Variants in NDE1 observed in about 807,000 individuals in gnomAD.
The protein encoded by NDE1 is nudE neurodevelopment protein 1, also known as nuclear distribution protein nudE homolog 1.
A neutral mutation model predicts 43.4 loss-of-function variants in NDE1; 28 were observed. The observed-to-expected ratio is 0.65, with a 90% CI of 0.48 to 0.89. The LOEUF (loss-of-function observed/expected upper bound fraction) is 0.89. NDE1 is among the 40% of genes least tolerant of loss of function. NDE1 has a pLI of 0.00. For missense variants in NDE1, 441 were observed against 434.1 expected, an observed-to-expected ratio of 1.02 and a Z score of -0.14; for synonymous variants, 184 against 172.0, an observed-to-expected ratio of 1.07 and a Z score of -0.55.
At chr16:15,644,425 G>C (rs1285716097) in intron 1 of NDE1, among the ~76,000 whole-genome samples, 1 of 152,188 alleles carries the variant, frequency 6.6e-6, no homozygotes, top group African/African-American at 2.4e-5. Context: ...TAATTTTCCA[G>C]AAGGCAGATG....
intron 8 of NDE1, among the ~76,000 whole-genome samples, chr16:15,712,289 A>T (rs11866760): frequency 0.027 from 4,134 of 152,260 alleles, 185 homozygotes; most frequent in African/African-American, 0.095. Context: ...CTGAGGAGTC[A>T]TTAGATATAC....
At chr16:15,662,551 G>A (rs974338724) in intron 1 of NDE1, among the ~76,000 whole-genome samples, 7 of 151,910 alleles carry the variant, frequency 4.6e-5, no homozygotes, top group Admixed American at 3.3e-4. Flanking sequence ...CCAAAGTGCT[G>A]GGATTACAGG....
At chr16:15,708,027 G>A (rs1273331833) in intron 8 of NDE1, among the ~76,000 whole-genome samples, 2 of 150,898 alleles carry the variant, frequency 1.3e-5, no homozygotes, top group Admixed American at 1.3e-4. Context: ...CTTGGGAAGG[G>A]CCCTGTGTGC....
intron 3 of NDE1, among the ~76,000 whole-genome samples, chr16:15,670,439 C>T (rs1312253003): frequency 6.6e-6 from 1 of 152,050 alleles, no homozygotes; most frequent in South Asian, 2.1e-4. Context: ...GGGCAGATCA[C>T]CTGAGGTTGG....
At chr16:15,663,211 A>G (rs1450602572) in intron 1 of NDE1, among the ~76,000 whole-genome samples, 1 of 149,172 alleles carries the variant, frequency 6.7e-6, no homozygotes, top group Non-Finnish European at 1.5e-5. Flanking sequence ...CCCCTGCTCA[A>G]TTACCATTGC....
intron 8 of NDE1, chr16:15,708,725 G>A: frequency 3.5e-6 from 5 of 1,447,436 alleles, no homozygotes; most frequent in Non-Finnish European, 4.8e-6. Flanking sequence ...AAAAATTGGG[G>A]TGGGCAGAGG....
intron 8 of NDE1, among the ~76,000 whole-genome samples, chr16:15,716,617 G>A (rs117434909): frequency 0.02 from 2,975 of 152,262 alleles, 53 homozygotes; most frequent in South Asian, 0.068. Flanking sequence ...CACGTGTCAC[G>A]TTGGAGTGAT....
chr16:15,667,519 C>T, intron 3 of NDE1, 80 bp downstream of exon 3: 5 of 1,547,948 alleles, frequency 3.2e-6, no homozygotes, highest in Non-Finnish European at 1.8e-6. Flanking sequence ...GAAGAAGGAA[C>T]CCTGCAATGA....
At chr16:15,716,464 C>CT (rs1567686239) in intron 8 of NDE1, among the ~76,000 whole-genome samples, 1 of 152,100 alleles carries the variant, frequency 6.6e-6, no homozygotes, top group Non-Finnish European at 1.5e-5. Flanking sequence ...ATTAAGAAGG[C>CT]TTCCAGTGTG....
intron 4 of NDE1, chr16:15,684,443 AT>A (rs1410461134): frequency 6.6e-6 from 1 of 151,848 alleles, no homozygotes; most frequent in Non-Finnish European, 1.5e-5. Flanking sequence ...AAATACAAAA[AT>A]TAGCAGGATG....
rs537326934 is a variant in NDE1, at chr16:15,725,397, C to T, written c.*1146C>T. The T allele has an allele frequency of 1.9e-6, 1 of 519,338 alleles. No individual in the cohort carries two copies. Among genetic ancestry groups the T allele is most frequent in the African/African-American group, 1.9e-5 (1 of 52,050 alleles). The allele number at this position is 519,338 out of a possible 1,614,324, so 32.2% of individuals were successfully genotyped here. ...CTCTCTAAGGCTGGAGAAGGGAGACCAGGATGGTACTTGAACGTCCCAGGG... is the reference window on the plus strand; with the variant it reads ...CTCTCTAAGGCTGGAGAAGGGAGACTAGGATGGTACTTGAACGTCCCAGGG... On this transcript the variant is annotated 3_prime_UTR_variant, in exon 9 of 9. Coordinates refer to ENST00000396354, the MANE Select transcript of NDE1 (RefSeq NM_017668.3).
intron 3 of NDE1, among the ~76,000 whole-genome samples, chr16:15,670,919 C>T (rs976890369): frequency 6.6e-6 from 1 of 152,014 alleles, no homozygotes; most frequent in African/African-American, 2.4e-5. Flanking sequence ...GGAGAGGTCC[C>T]AGACACGTTG....
chr16:15,705,630 A>G (rs2039407268), intron 8 of NDE1, among the ~76,000 whole-genome samples: 1 of 152,128 alleles, frequency 6.6e-6, no homozygotes, highest in South Asian at 2.1e-4. Flanking sequence ...TCCCCACGCA[A>G]GGGTTGGATA....
intron 6 of NDE1, 24 bp from the exon 7 acceptor site, chr16:15,694,141 A>T: frequency 1.2e-6 from 2 of 1,611,532 alleles, no homozygotes; most frequent in Non-Finnish European, 1.7e-6. Flanking sequence ...GGTGAGTTAC[A>T]TGCTCTTCCC....
At chr16:15,671,537 A>G (rs2037592211) in intron 3 of NDE1, among the ~76,000 whole-genome samples, 1 of 152,058 alleles carries the variant, frequency 6.6e-6, no homozygotes, top group African/African-American at 2.4e-5. Context: ...GGTTGTTTAG[A>G]ACACACATTG....
At chr16:15,690,461 G>T (rs944472558) in intron 5 of NDE1, among the ~76,000 whole-genome samples, 5 of 134,366 alleles carry the variant, frequency 3.7e-5, no homozygotes, top group Non-Finnish European at 6.1e-5. Context: ...GGATTAATGT[G>T]ATTCTTACAC....
At chr16:15,695,624 T>A in intron 7 of NDE1, 1 of 985,360 alleles carries the variant, frequency 1.0e-6, no homozygotes, top group Non-Finnish European at 1.2e-6. Context: ...TAGTTTATTT[T>A]TAAAAATGAT....
chr16:15,689,350 G>A (rs1596617532), intron 5 of NDE1, among the ~76,000 whole-genome samples: 1 of 152,060 alleles, frequency 6.6e-6, no homozygotes, highest in East Asian at 1.9e-4. Flanking sequence ...GTAAAAATTA[G>A]GCCTGGTGGC....
chr16:15,703,260 C>T (rs1485604976), intron 8 of NDE1: 1 of 219,054 alleles, frequency 4.6e-6, no homozygotes, highest in African/African-American at 2.2e-5. Flanking sequence ...CTACAGAAGG[C>T]ACTTGGTGAA....
Sources: allele counts gnomAD v4.1 joint callset (sites outside exome capture counted in the v4.1 genomes callset), GRCh38; gene constraint gnomAD v4.1.1; transcripts MANE v1.5; gene names NCBI Gene and HGNC (gene_info 2026-07-23, HGNC 2026-07-21).